Variants in UBXN6 observed in about 807,000 individuals in gnomAD.
The protein encoded by UBXN6 is UBX domain protein 6, also known as UBX domain-containing protein 6.
In UBXN6, 44 loss-of-function variants were observed where a neutral mutation model predicts 51.4. The ratio of observed to expected loss-of-function variants is 0.86; its 90% CI spans 0.67 to 1.10. The LOEUF is 1.10. UBXN6 is among the 50% of genes least tolerant of loss of function. The pLI is 0.00. For missense variants in UBXN6, 672 were observed against 596.1 expected (o/e 1.13, Z -1.32); for synonymous variants, 316 against 263.2 (o/e 1.20, Z -1.94).
At position 4,446,823 on chromosome 19, in the gene UBXN6, C is replaced by T. The variant is rs1461627200; in HGVS notation, c.700+13G>A. ...GTCCCCATTCCCTACTCAGCCAGGC[C>T]CTGTCCACTTACCCTGATCCTGGGC... On this transcript the variant is annotated intron_variant, in intron 7 of 10. Coordinates refer to ENST00000301281, the MANE Select transcript of UBXN6 (RefSeq NM_025241.3). 6.2e-7 allele frequency: 1 copy of T among 1,614,040 alleles called. No homozygotes were observed. The highest frequency in any genetic ancestry group is 8.5e-7 in the Non-Finnish European group (1 of 1,180,026).
At chr19:4,453,898 C>G (rs1286059318) in intron 2 of UBXN6, 32 bp downstream of exon 2, 1 of 1,599,142 alleles carries the variant, frequency 6.3e-7, no homozygotes, top group Non-Finnish European at 8.5e-7. Context: ...TCAAACAGCC[C>G]CAACCTGGGC....
At chr19:4,454,239 C>A in intron 1 of UBXN6, 146 bp from the exon 2 acceptor site, 1 of 865,514 alleles carries the variant, frequency 1.2e-6, no homozygotes, top group East Asian at 2.8e-5. Flanking sequence ...ACCTGGTTCC[C>A]AGGGGCCACC....
chr19:4,457,809 A>T (rs1239949981), upstream of UBXN6: 28 of 589,500 alleles, frequency 4.7e-5, no homozygotes, highest in African/African-American at 1.5e-4. Flanking sequence ...AAAAAAAAAA[A>T]AAAAAAAAAA....
At chr19:4,453,059 C>G (rs1411810438) in intron 3 of UBXN6, among the ~76,000 whole-genome samples, 1 of 152,200 alleles carries the variant, frequency 6.6e-6, no homozygotes, top group East Asian at 1.9e-4. Context: ...CTGGGCAGTG[C>G]TAGGGGACAG....
rs369022235 is a variant in UBXN6 at position 4,445,531 on chromosome 19, G to A, written c.1293C>T (p.Pro431=). 65 of 1,613,936 alleles carry A rather than the reference G, an allele frequency of 4.0e-5. No homozygotes were observed. In the African/African-American group the frequency reaches 4.9e-4, roughly 12 times the overall value. Residue 431 remains proline (P), a synonymous_variant, in exon 11 of 11, where the codon CCC becomes CCT. Coordinates refer to ENST00000301281, the MANE Select transcript of UBXN6 (RefSeq NM_025241.3). ...AGAEPDSILK[P]ELLSAIEKLL is the part of the protein sequence containing the mutation. Reference sequence around the variant, plus strand: ...GCTTCTCGATGGCTGACAGGAGCTCGGGTTTCAGGATGGAGTCCGGCTCGG... The same window carrying A: ...GCTTCTCGATGGCTGACAGGAGCTCAGGTTTCAGGATGGAGTCCGGCTCGG...
chr19:4,453,450 G>A lies in UBXN6; in HGVS notation c.312+8C>T, dbSNP rs758546218. On this transcript the variant is annotated splice_region_variant and intron_variant, in intron 3 of 10. Coordinates refer to ENST00000301281, the MANE Select transcript of UBXN6 (RefSeq NM_025241.3). ...GCATGGGACAGTGCCACCAGTGGCT[G>A]TTCTTACCACGTTGGTCCCTGGGGC... 3.7e-6 allele frequency: 6 copies of A among 1,612,698 alleles called. No homozygotes were observed. The East Asian group carries it at 6.7e-5, about 18-fold the overall frequency.
intron 1 of UBXN6, 123 bp downstream of exon 1, chr19:4,457,492 A>T (rs1599683749): frequency 4.8e-6 from 3 of 622,244 alleles, no homozygotes; most frequent in Non-Finnish European, 6.5e-6. Context: ...CCCTCCCCTG[A>T]CCCTCGCGTG....
intron 1 of UBXN6, chr19:4,455,239 T>C: frequency 2.0e-6 from 2 of 985,494 alleles, no homozygotes; most frequent in Non-Finnish European, 2.4e-6. Context: ...TCAATTTCTG[T>C]GCCGTAGGTC....
intron 1 of UBXN6, chr19:4,455,258 CCTT>C (rs1974724731): frequency 1.0e-6 from 1 of 985,460 alleles, no homozygotes; most frequent in Non-Finnish European, 1.2e-6. Flanking sequence ...TCTATTAAAA[CCTT>C]CTGGGAGGCC....
In UBXN6 at chr19:4,457,690, T is replaced by A. The variant is rs1395789764; in HGVS notation, c.8A>T (p.Lys3Ile). 1 of 1,584,680 alleles carries A rather than the reference T, an allele frequency of 6.3e-7. No homozygotes were observed. Among genetic ancestry groups the A allele is most frequent in the Non-Finnish European group, 8.6e-7 (1 of 1,168,510 alleles). The change falls in exon 1 of 11, where the codon AAA (lysine) becomes ATA (isoleucine). Residue 3 changes from lysine to isoleucine, a missense_variant. Lys to Ile is a moderately radical substitution (Grantham distance 102). Coordinates refer to ENST00000301281, the MANE Select transcript of UBXN6 (RefSeq NM_025241.3). ...GTCGGCCTTGAACTCCTGAAAGAAT[T>A]TCTTCATGGTGGCGGCTGGCCCGGC... Reference protein sequence around the residue: MKKFFQEFKADIK... With the variant: MKIFFQEFKADIK...
At chr19:4,453,285 G>A (rs1974685075) in intron 3 of UBXN6, among the ~76,000 whole-genome samples, 173 bp downstream of exon 3, 1 of 152,198 alleles carries the variant, frequency 6.6e-6, no homozygotes. Context: ...CAGCTGCCGA[G>A]CCCCGAAGGT....
intron 4 of UBXN6, chr19:4,448,644 T>A (rs1370668639): frequency 3.5e-6 from 2 of 566,454 alleles, no homozygotes; most frequent in Non-Finnish European, 6.3e-6. Context: ...AAGTCTCCCC[T>A]TCCGCCTTCT....
chr19:4,447,938 G>A, intron 5 of UBXN6: 1 of 496,742 alleles, frequency 2.0e-6, no homozygotes, highest in South Asian at 2.2e-5. Flanking sequence ...AGAGCTGAAG[G>A]GCCGCAGTGC....
chr19:4,447,870 G>C, intron 5 of UBXN6: 1 of 554,678 alleles, frequency 1.8e-6, no homozygotes, highest in East Asian at 3.1e-5. Context: ...ACCAGCCCTG[G>C]AAGGGCACAA....
At position 4,453,524 on chromosome 19, in the gene UBXN6, T is replaced by TG; in HGVS notation, c.248-3dup. The TG allele has an allele frequency of 6.2e-7, 1 of 1,613,480 alleles. No individual in the cohort carries two copies. On this transcript the variant is annotated splice_polypyrimidine_tract_variant and splice_region_variant and intron_variant, in intron 2 of 10. Coordinates refer to ENST00000301281, the MANE Select transcript of UBXN6 (RefSeq NM_025241.3). Reference sequence around the variant, plus strand: ...CTTCGGCTTGAAGTTCCTTTCTCACTGGAAGGCAGCCCAAGAAAGAGAGGC... The same window carrying TG: ...CTTCGGCTTGAAGTTCCTTTCTCACTGGGAAGGCAGCCCAAGAAAGAGAGGC...
intron 5 of UBXN6, 146 bp from the exon 6 acceptor site, chr19:4,447,771 A>G: frequency 1.3e-6 from 1 of 767,458 alleles, no homozygotes; most frequent in Non-Finnish European, 2.2e-6. Context: ...AGGGCAGCAG[A>G]CCATCTCCGG....
At chr19:4,454,165 G>C (rs769933433) in intron 1 of UBXN6, 72 bp from the exon 2 acceptor site, 39 of 1,433,662 alleles carry the variant, frequency 2.7e-5, no homozygotes, top group African/African-American at 1.5e-4. Context: ...CAGTCACACA[G>C]AGGAGCTTCT....
At chr19:4,452,626 C>T in intron 3 of UBXN6, 134 bp from the exon 4 acceptor site, 5 of 1,260,724 alleles carry the variant, frequency 4.0e-6, no homozygotes, top group East Asian at 2.7e-5. Context: ...CACCTGGTGG[C>T]CGTGGGAGAC....
intron 5 of UBXN6, 54 bp from the exon 6 acceptor site, chr19:4,447,679 C>A: frequency 6.4e-7 from 1 of 1,569,650 alleles, no homozygotes; most frequent in South Asian, 1.1e-5. Flanking sequence ...CCACCCGGCC[C>A]CTCTGTGCCT....
Sources: allele counts gnomAD v4.1 joint callset (sites outside exome capture counted in the v4.1 genomes callset), GRCh38; gene constraint gnomAD v4.1.1; transcripts MANE v1.5; gene names NCBI Gene and HGNC (gene_info 2026-07-23, HGNC 2026-07-21).